The following RSPO2 variants were observed in gnomAD, a reference collection of about 807,000 sequenced individuals.
The protein encoded by RSPO2 is R-spondin 2.
Under a neutral mutation model 30.9 loss-of-function variants are expected in RSPO2, and 14 were observed. The ratio of observed to expected loss-of-function variants is 0.45; its 90% CI spans 0.30 to 0.71. RSPO2 has a LOEUF of 0.71. Among genes scored for constraint, RSPO2 ranks in the 30% least tolerant of loss-of-function variants. The pLI, the probability that RSPO2 is intolerant of heterozygous loss-of-function variation, is 0.08. For synonymous variants in RSPO2, 107 were observed against 96.4 expected (o/e 1.11, Z -0.64); for missense variants, 264 against 301.9 (o/e 0.87, Z 0.93).
At chr8:108,014,514 AT>A (rs1810813933) in intron 2 of RSPO2, among the ~76,000 whole-genome samples, 1 of 152,228 alleles carries the variant, frequency 6.6e-6, no homozygotes, top group Non-Finnish European at 1.5e-5. Context: ...CTATGCAGCC[AT>A]AAAAAAGGAT....
chr8:107,914,848 T>C (rs374739825), intron 5 of RSPO2, among the ~76,000 whole-genome samples: 8 of 152,284 alleles, frequency 5.3e-5, no homozygotes, highest in African/African-American at 1.9e-4. Flanking sequence ...GTTTTCCTAA[T>C]CTTCCTGTAG....
At chr8:108,077,968 C>T (rs867538074) in intron 2 of RSPO2, among the ~76,000 whole-genome samples, 2 of 152,164 alleles carry the variant, frequency 1.3e-5, no homozygotes, top group African/African-American at 2.4e-5. Flanking sequence ...GATAAGGATA[C>T]GTATTTCCAA....
chr8:107,952,684 T>C (rs1270223881), intron 5 of RSPO2, among the ~76,000 whole-genome samples: 1 of 152,156 alleles, frequency 6.6e-6, no homozygotes, highest in African/African-American at 2.4e-5. Flanking sequence ...CATTGAAAAA[T>C]ATGCTTATTT....
intron 5 of RSPO2, among the ~76,000 whole-genome samples, chr8:107,935,220 A>AGTGT (rs1308542546): frequency 6.6e-6 from 1 of 152,170 alleles, no homozygotes; most frequent in Non-Finnish European, 1.5e-5. Context: ...GCACTCTGGG[A>AGTGT]GTGTCTGTCT....
intron 5 of RSPO2, among the ~76,000 whole-genome samples, chr8:107,955,125 G>A (rs975149481): frequency 6.6e-6 from 1 of 152,184 alleles, no homozygotes; most frequent in African/African-American, 2.4e-5. Context: ...TACTGGGAAA[G>A]TGTTCAGATC....
intron 2 of RSPO2, among the ~76,000 whole-genome samples, chr8:108,037,270 G>T (rs557139427): frequency 6.6e-6 from 1 of 152,174 alleles, no homozygotes; most frequent in Non-Finnish European, 1.5e-5. Context: ...CCATATTACC[G>T]ATGTGGAGAA....
chr8:108,024,698 T>C (rs1811151834), intron 2 of RSPO2, among the ~76,000 whole-genome samples: 1 of 152,170 alleles, frequency 6.6e-6, no homozygotes, highest in African/African-American at 2.4e-5. Context: ...ATCATGTTAA[T>C]ATTTTACGTA....
chr8:107,940,751 T>C (rs1812869967), intron 5 of RSPO2, among the ~76,000 whole-genome samples: 1 of 152,092 alleles, frequency 6.6e-6, no homozygotes. Context: ...TGAAAGAAAA[T>C]TCATTTAATG....
At position 108,063,268 on chromosome 8, in the gene RSPO2, A is replaced by G. The variant is rs183476771; in HGVS notation, c.94+19277T>C. On this transcript the variant is annotated intron_variant, in intron 2 of 5. Transcript: ENST00000276659. ...CCCCGTTTGAAGATGACATGATTGT[A>G]TATCTAGAAAACGCCATCTTCTCAG... is the stretch of plus-strand genomic sequence containing the variant. Among the ~76,000 whole-genome samples the G allele has an allele frequency of 1.5e-4, 23 of 151,996 alleles. 2 individuals carry two copies. The highest frequency in any genetic ancestry group is 5.3e-4 in the African/African-American group (22 of 41,280).
chr8:108,078,404 A>C (rs1490016407), intron 2 of RSPO2, among the ~76,000 whole-genome samples: 5 of 152,226 alleles, frequency 3.3e-5, no homozygotes, highest in African/African-American at 9.6e-5. Flanking sequence ...TTGGAACTTA[A>C]AGTAAGCAAG....
At chr8:108,016,581 T>C (rs192093654) in intron 2 of RSPO2, among the ~76,000 whole-genome samples, 214 of 152,262 alleles carry the variant, frequency 1.4e-3, no homozygotes, top group African/African-American at 5.1e-3. Flanking sequence ...CTATATAGGA[T>C]AGGAAATGTA....
intron 3 of RSPO2, among the ~76,000 whole-genome samples, chr8:107,977,990 G>A (rs916641010): frequency 1.2e-4 from 18 of 151,068 alleles, no homozygotes; most frequent in Admixed American, 3.3e-4. Context: ...ACATCTCTAT[G>A]CAACTGTGTC....
At position 107,904,902 on chromosome 8, in the gene RSPO2, T is replaced by C. The variant is rs181975894; in HGVS notation, c.617-3712A>G. ...CCACATTCTAACTAATGTAATTACA[T>C]TGACTTGCTCACATGTGGAAATGGT... is the stretch of plus-strand genomic sequence containing the variant. On this transcript the variant is annotated intron_variant, in intron 5 of 5. Coordinates refer to ENST00000276659, the MANE Select transcript of RSPO2 (RefSeq NM_178565.5). Among the ~76,000 whole-genome samples, 4 of 152,226 alleles carry C rather than the reference T, an allele frequency of 2.6e-5. No homozygotes were observed. The East Asian group carries it at 7.7e-4, about 29-fold the overall frequency.
chr8:107,975,021 C>T (rs1361815129), intron 3 of RSPO2, among the ~76,000 whole-genome samples: 7 of 152,138 alleles, frequency 4.6e-5, no homozygotes, highest in African/African-American at 1.7e-4. Flanking sequence ...GGTACATTGT[C>T]AATTATTTCC....
intron 2 of RSPO2, among the ~76,000 whole-genome samples, chr8:107,999,474 G>A (rs577500826): frequency 5.9e-5 from 9 of 152,140 alleles, no homozygotes; most frequent in East Asian, 1.9e-4. Context: ...TTACTGTGTC[G>A]CCCAGGTTGG....
chr8:108,052,900 A>T (rs1476312102), intron 2 of RSPO2, among the ~76,000 whole-genome samples: 1 of 151,966 alleles, frequency 6.6e-6, no homozygotes, highest in Non-Finnish European at 1.5e-5. Flanking sequence ...CATATAGTCC[A>T]AACTTTTATT....
At chr8:107,999,096 T>C (rs1390475672) in intron 2 of RSPO2, among the ~76,000 whole-genome samples, 1 of 151,996 alleles carries the variant, frequency 6.6e-6, no homozygotes, top group Non-Finnish European at 1.5e-5. Context: ...TTTTCTTGAG[T>C]TCTTTAATAG....
chr8:108,059,948 C>T lies in RSPO2; in HGVS notation c.94+22597G>A, dbSNP rs568070535. Among the ~76,000 whole-genome samples the T allele has an allele frequency of 2.6e-3, 393 of 151,000 alleles. 2 individuals carry two copies. The highest frequency in any genetic ancestry group is 4.7e-3 in the Non-Finnish European group (322 of 67,902). Reference sequence around the variant, plus strand: ...AGCACACCAGCATGGCACATGTATACATATGTAACAAACCTGCACATTGTG... The same window carrying T: ...AGCACACCAGCATGGCACATGTATATATATGTAACAAACCTGCACATTGTG... On this transcript the variant is annotated intron_variant, in intron 2 of 5. Coordinates refer to ENST00000276659, the MANE Select transcript of RSPO2 (RefSeq NM_178565.5).
At chr8:108,037,324 C>T (rs1178639741) in intron 2 of RSPO2, among the ~76,000 whole-genome samples, 2 of 152,166 alleles carry the variant, frequency 1.3e-5, no homozygotes, top group Admixed American at 1.3e-4. Flanking sequence ...CCAGAACATT[C>T]CTTTAAGCCA....
Sources: gnomAD v4.1 joint callset for allele counts (sites outside exome capture counted in the v4.1 genomes callset) on GRCh38, gnomAD v4.1.1 for gene constraint, MANE v1.5 for transcripts, NCBI Gene and HGNC (gene_info 2026-07-23, HGNC 2026-07-21) for gene names.